PRRC2C: variants seen among roughly 807,000 people sequenced by gnomAD.
The protein encoded by PRRC2C is proline rich coiled-coil 2C, also known as protein PRRC2C.
In PRRC2C, 72 loss-of-function variants were observed where a neutral mutation model predicts 317.2. The observed-to-expected ratio is 0.23, with a 90% CI of 0.19 to 0.28. The LOEUF (loss-of-function observed/expected upper bound fraction) is 0.28, where lower values mean the gene tolerates loss of function less well. Ranked by LOEUF, PRRC2C falls within the 10% of genes least tolerant of loss-of-function variation. The pLI is 1.00. For missense variants in PRRC2C, 3,074 were observed against 3,459.7 expected, an observed-to-expected ratio of 0.89 and a Z score of 2.80; for synonymous variants, 1,296 against 1,205.9, an observed-to-expected ratio of 1.07 and a Z score of -1.55.
chr1:171,486,781 C>T (rs1213212641), intron 1 of PRRC2C, among the ~76,000 whole-genome samples: 1 of 152,112 alleles, frequency 6.6e-6, no homozygotes, highest in South Asian at 2.1e-4. Flanking sequence ...TACTTAATAG[C>T]TTACTCCTGC....
chr1:171,530,563 T>A (rs1395169787), intron 11 of PRRC2C, among the ~76,000 whole-genome samples: 2 of 152,120 alleles, frequency 1.3e-5, no homozygotes, highest in African/African-American at 2.4e-5. Flanking sequence ...TATTTTTATT[T>A]TTTTTTTAAT....
rs1236663155 is a variant in PRRC2C, at chr1:171,559,505, G to GTTTTTTTTTTTTTTTTTTTTTTT, written c.6031+1365_6031+1366insTTTTTTTTTTTTTTTTTTTTTTT. On this transcript the variant is annotated intron_variant, in intron 19 of 34. Transcript: ENST00000647382. ...ATCTGTTTACAAAATGGCATACCAAGTTTGTTTTTTTTTTTTTTTTTTTTT... is the reference window on the plus strand; with the variant it reads ...ATCTGTTTACAAAATGGCATACCAAGTTTTTTTTTTTTTTTTTTTTTTTTTTGTTTTTTTTTTTTTTTTTTTTT... Among the ~76,000 whole-genome samples, 2 of 95,134 alleles carry GTTTTTTTTTTTTTTTTTTTTTTT rather than the reference G, an allele frequency of 2.1e-5. 1 individual carries two copies. The highest frequency in any genetic ancestry group is 4.0e-5 in the Non-Finnish European group (2 of 50,624). 62.4% of individuals were successfully genotyped at this position (95,134 alleles called of 152,430 possible). A position where few individuals can be genotyped will look rare whatever the true frequency, so the allele number is the denominator to read the frequency against.
chr1:171,574,154 A>G (rs925224545), intron 24 of PRRC2C, among the ~76,000 whole-genome samples: 12 of 152,220 alleles, frequency 7.9e-5, no homozygotes, highest in African/African-American at 2.9e-4. Flanking sequence ...AAATTTTAAT[A>G]TTAAAAAAAC....
intron 1 of PRRC2C, among the ~76,000 whole-genome samples, chr1:171,488,184 A>G (rs1666471220): frequency 6.6e-6 from 1 of 152,222 alleles, no homozygotes; most frequent in East Asian, 1.9e-4. Context: ...ATATTTGTAA[A>G]TGACAAGAAT....
At chr1:171,543,244 C>T (rs952707825) in intron 16 of PRRC2C, among the ~76,000 whole-genome samples, 1 of 151,292 alleles carries the variant, frequency 6.6e-6, no homozygotes, top group Admixed American at 6.6e-5. Context: ...GTGGCAGGCG[C>T]CACTGGGAGT....
intron 20 of PRRC2C, among the ~76,000 whole-genome samples, chr1:171,562,677 T>A (rs1015761374): frequency 6.6e-6 from 1 of 152,216 alleles, no homozygotes; most frequent in African/African-American, 2.4e-5. Context: ...GAATTTTCAG[T>A]AACTGAGATT....
chr1:171,505,690 T>G (rs1457667250), intron 1 of PRRC2C, among the ~76,000 whole-genome samples: 1 of 152,236 alleles, frequency 6.6e-6, no homozygotes, highest in African/African-American at 2.4e-5. Flanking sequence ...TACAAACTTT[T>G]GACTGTTCCC....
At chr1:171,553,428 A>G (rs1161418210) in intron 18 of PRRC2C, among the ~76,000 whole-genome samples, 1 of 146,902 alleles carries the variant, frequency 6.8e-6, no homozygotes, top group Non-Finnish European at 1.5e-5. Context: ...AGATTCATTG[A>G]TTTTTTTTTT....
intron 28 of PRRC2C, among the ~76,000 whole-genome samples, chr1:171,582,544 A>G (rs2102845999): frequency 6.6e-6 from 1 of 152,346 alleles, no homozygotes; most frequent in South Asian, 2.1e-4. Flanking sequence ...TAGGCTGTAG[A>G]GTACAGCCTA....
chr1:171,586,259 AT>A lies in PRRC2C; in HGVS notation c.7750-733del, dbSNP rs202207760. Among the ~76,000 whole-genome samples, 30 of 146,316 alleles carry A rather than the reference AT, an allele frequency of 2.1e-4. No individual in the cohort carries two copies. The South Asian group carries it at 4.2e-3, about 21-fold the overall frequency. On this transcript the variant is annotated intron_variant, in intron 30 of 34. Coordinates refer to ENST00000647382, the MANE Select transcript of PRRC2C (RefSeq NM_001387844.1). ...TGTATTTTATTTTATTTATTTATTT[AT>A]TTTTTTTTTTAGTAGAGACGGAGTT... is the stretch of plus-strand genomic sequence containing the variant.
At chr1:171,542,301 T>C (rs1046845496) in intron 16 of PRRC2C, 72 bp downstream of exon 16, 4 of 1,322,058 alleles carry the variant, frequency 3.0e-6, no homozygotes, top group Non-Finnish European at 4.1e-6. Context: ...CTTGGTTGAA[T>C]TATGCAAAGA....
At chr1:171,503,479 G>A (rs1002916234) in intron 1 of PRRC2C, among the ~76,000 whole-genome samples, 19 of 151,448 alleles carry the variant, frequency 1.3e-4, no homozygotes, top group African/African-American at 3.2e-4. Context: ...AGCCAGGATC[G>A]CGCCACTGCA....
At chr1:171,550,688 G>T (rs954226366) in intron 18 of PRRC2C, among the ~76,000 whole-genome samples, 1 of 146,106 alleles carries the variant, frequency 6.8e-6, no homozygotes, top group Non-Finnish European at 1.5e-5. Flanking sequence ...TCGTTGTTCA[G>T]TTCCTACCTA....
intron 24 of PRRC2C, among the ~76,000 whole-genome samples, chr1:171,572,720 C>T (rs1684996322): frequency 6.6e-6 from 1 of 152,110 alleles, no homozygotes; most frequent in South Asian, 2.1e-4. Context: ...TATCATTATA[C>T]TAGCAAGGTA....
intron 26 of PRRC2C, among the ~76,000 whole-genome samples, chr1:171,578,568 A>G (rs1027016308): frequency 6.6e-6 from 1 of 152,030 alleles, no homozygotes; most frequent in Non-Finnish European, 1.5e-5. Context: ...ACATACTACT[A>G]TATAAAAACA....
At position 171,517,648 on chromosome 1, in the gene PRRC2C, A is replaced by C. The variant is rs774354848; in HGVS notation, c.584A>C (p.Gln195Pro). The change falls in exon 6 of 35, where the codon CAA becomes CCA. Residue 195 changes from glutamine (Q) to proline (P), a missense_variant. Physicochemically the swap from Gln to Pro is moderately conservative, Grantham distance 76. Coordinates refer to ENST00000647382, the MANE Select transcript of PRRC2C (RefSeq NM_001387844.1). ...GCTGGCTCACCTTCGTCATCTGATC[A>C]AGATGAAAAGCTCCCTGGCCAGGAT... Reference protein sequence around the residue: ...KAAGSPSSSDQDEKLPGQDES... With the variant: ...KAAGSPSSSDPDEKLPGQDES... 1.2e-6 allele frequency: 2 copies of C among 1,613,032 alleles called. No homozygotes were observed. The highest frequency in any genetic ancestry group is 2.7e-5 in the African/African-American group (2 of 74,616).
Position 171,491,423 on chromosome 1 carries a change from G to A in PRRC2C, c.-58+5688G>A, listed in dbSNP as rs933197324. Among the ~76,000 whole-genome samples the A allele has an allele frequency of 2.0e-5, 3 of 152,286 alleles. 1 individual carries two copies. The highest frequency in any genetic ancestry group is 6.8e-3 in the Middle Eastern group (2 of 294). ...GCTTAGGCCTCGCAGAGGGAACTGT[G>A]CCTCCACTTCTCTCTCCAAGGCATC... On this transcript the variant is annotated intron_variant, in intron 1 of 34. Transcript: ENST00000647382.
chr1:171,579,705 A>G (rs1648068872), intron 27 of PRRC2C, 123 bp from the exon 28 acceptor site: 1 of 1,306,542 alleles, frequency 7.7e-7, no homozygotes, highest in Admixed American at 3.0e-5. Context: ...TTGTTTTAAA[A>G]TGGAGCTGAT....
Position 171,587,714 on chromosome 1 carries a change from G to T in PRRC2C, c.8035G>T (p.Ala2679Ser), listed in dbSNP as rs929657165. 6.2e-7 allele frequency: 1 copy of T among 1,613,256 alleles called. No individual in the cohort carries two copies. Among genetic ancestry groups the T allele is most frequent in the Non-Finnish European group, 8.5e-7 (1 of 1,179,368 alleles). The change falls in exon 32 of 35, where the codon GCT (alanine) becomes TCT (serine). Residue 2679 changes from alanine to serine, a missense_variant. Coordinates refer to ENST00000647382, the MANE Select transcript of PRRC2C (RefSeq NM_001387844.1). The part of the protein sequence containing the change: ...IDIKPGTPPI[A>S]GRSTTPTSSP... ...TATAAAACCAGGCACACCTCCAATC[G>T]CTGGTAGAAGCACCACACCAACATC... is the stretch of plus-strand genomic sequence containing the variant.
Sources: gnomAD v4.1 joint callset for allele counts (sites outside exome capture counted in the v4.1 genomes callset) on GRCh38, gnomAD v4.1.1 for gene constraint, MANE v1.5 for transcripts, NCBI Gene and HGNC (gene_info 2026-07-23, HGNC 2026-07-21) for gene names.